The following CCBE1 variants were observed in gnomAD, a reference collection of about 807,000 sequenced individuals.
CCBE1 encodes the protein collagen and calcium-binding EGF domain-containing protein 1.
CCBE1 carries 37 observed loss-of-function variants against 50.0 expected under a neutral mutation model. The observed-to-expected ratio is 0.74, with a 90% CI of 0.57 to 0.97. The LOEUF is 0.97. CCBE1 is among the 50% of genes least tolerant of loss of function. The pLI is 0.00. For synonymous variants in CCBE1, 234 were observed against 203.7 expected (o/e 1.15, Z -1.27); for missense variants, 538 against 523.8 (o/e 1.03, Z -0.26).
Position 59,657,283 on chromosome 18 carries a change from GA to G in CCBE1, c.212+39345del, listed in dbSNP as rs368381677. Among the ~76,000 whole-genome samples the G allele has an allele frequency of 9.5e-4, 145 of 152,336 alleles. 2 individuals carry two copies. The South Asian group carries it at 0.02, about 21-fold the overall frequency. On this transcript the variant is annotated intron_variant, in intron 2 of 10. Coordinates refer to ENST00000439986, the MANE Select transcript of CCBE1 (RefSeq NM_133459.4). ...AGCTTCAAGGCATGCCCAGGACGGA[GA>G]GGTGGTTCCACAGTGTGAAAGGCTG...
chr18:59,437,974 C>A (rs1910234600), intron 10 of CCBE1, 137 bp downstream of exon 10: 1 of 717,900 alleles, frequency 1.4e-6, no homozygotes. Context: ...CTCTTCCTAA[C>A]CACAGAGTTC....
intron 10 of CCBE1, 92 bp from the exon 11 acceptor site, chr18:59,436,233 C>G (rs1413431334): frequency 9.1e-7 from 1 of 1,101,360 alleles, no homozygotes; most frequent in African/African-American, 1.5e-5. Context: ...CTGGCAACTA[C>G]TTTCTCAATA....
At chr18:59,445,138 C>G (rs186518531) in intron 7 of CCBE1, among the ~76,000 whole-genome samples, 4 of 152,250 alleles carry the variant, frequency 2.6e-5, no homozygotes, top group Admixed American at 1.3e-4. Context: ...AAGCTTTCCT[C>G]TATGTTTTCT....
chr18:59,499,767 A>G (rs1489751473), intron 2 of CCBE1, among the ~76,000 whole-genome samples: 1 of 152,182 alleles, frequency 6.6e-6, no homozygotes, highest in Non-Finnish European at 1.5e-5. Context: ...CTCTAGGCAC[A>G]ACAATGGCCT....
chr18:59,673,218 A>G (rs554277931), intron 2 of CCBE1, among the ~76,000 whole-genome samples: 1 of 152,292 alleles, frequency 6.6e-6, no homozygotes, highest in Admixed American at 6.5e-5. Flanking sequence ...TGGGAGGTCA[A>G]GGAGGGTGAA....
At chr18:59,472,280 T>A (rs1267826575) in intron 3 of CCBE1, among the ~76,000 whole-genome samples, 1 of 152,218 alleles carries the variant, frequency 6.6e-6, no homozygotes, top group Non-Finnish European at 1.5e-5. Context: ...AGGCGGTAGC[T>A]GCTTCCTGCA....
chr18:59,494,126 A>C (rs1382583611), intron 2 of CCBE1, among the ~76,000 whole-genome samples: 2 of 152,202 alleles, frequency 1.3e-5, no homozygotes, highest in Middle Eastern at 3.2e-3. Flanking sequence ...AGAGCAATAC[A>C]AGCTTCGTAA....
chr18:59,619,978 G>A (rs1260465777), intron 2 of CCBE1, among the ~76,000 whole-genome samples: 1 of 152,196 alleles, frequency 6.6e-6, no homozygotes, highest in Non-Finnish European at 1.5e-5. Flanking sequence ...GGACAAGAGA[G>A]GGCGGTATTC....
intron 2 of CCBE1, among the ~76,000 whole-genome samples, chr18:59,582,619 C>T (rs974112606): frequency 6.6e-6 from 1 of 152,112 alleles, no homozygotes; most frequent in Admixed American, 6.6e-5. Flanking sequence ...CCTTGCTGAG[C>T]CTGACAGCAG....
At chr18:59,682,106 G>A (rs1446398494) in intron 2 of CCBE1, among the ~76,000 whole-genome samples, 1 of 152,224 alleles carries the variant, frequency 6.6e-6, no homozygotes. Flanking sequence ...GCTCATGCCT[G>A]TAATCCCAGC....
chr18:59,490,387 CTT>C (rs11379621), intron 2 of CCBE1, among the ~76,000 whole-genome samples: 9 of 141,762 alleles, frequency 6.3e-5, no homozygotes, highest in Non-Finnish European at 7.7e-5. Flanking sequence ...GATATTCCCC[CTT>C]TTTTTTTTTT....
intron 2 of CCBE1, among the ~76,000 whole-genome samples, chr18:59,569,985 A>G (rs3097388): frequency 1.3e-5 from 2 of 152,126 alleles, no homozygotes; most frequent in African/African-American, 4.8e-5. Flanking sequence ...AGATTCTACA[A>G]CTTCTTTCTC....
intron 2 of CCBE1, among the ~76,000 whole-genome samples, chr18:59,576,659 T>G (rs1217882977): frequency 6.6e-6 from 1 of 152,190 alleles, no homozygotes; most frequent in East Asian, 1.9e-4. Context: ...GAGTGAGGCT[T>G]GCATGTGGTT....
At chr18:59,593,374 C>G (rs974921275) in intron 2 of CCBE1, among the ~76,000 whole-genome samples, 1 of 152,152 alleles carries the variant, frequency 6.6e-6, no homozygotes, top group Admixed American at 6.5e-5. Flanking sequence ...AGAGTGCATT[C>G]TAGTTTTTAT....
intron 2 of CCBE1, among the ~76,000 whole-genome samples, chr18:59,506,288 TG>T (rs1296930729): frequency 6.6e-6 from 1 of 152,200 alleles, no homozygotes; most frequent in Non-Finnish European, 1.5e-5. Flanking sequence ...GACAGAGGCA[TG>T]GACCAGTTTC....
intron 7 of CCBE1, 133 bp downstream of exon 7, chr18:59,447,850 G>T: frequency 2.2e-6 from 3 of 1,338,296 alleles, no homozygotes; most frequent in Non-Finnish European, 3.1e-6. Context: ...TGGGTGTGTG[G>T]CAGTCCCATG....
At chr18:59,662,993 T>G (rs2144692171) in intron 2 of CCBE1, among the ~76,000 whole-genome samples, 1 of 151,822 alleles carries the variant, frequency 6.6e-6, no homozygotes, top group African/African-American at 2.4e-5. Flanking sequence ...ACCTAGAGAA[T>G]GACTCCAAGT....
intron 2 of CCBE1, among the ~76,000 whole-genome samples, chr18:59,673,670 G>T (rs2054463317): frequency 6.6e-6 from 1 of 152,080 alleles, no homozygotes; most frequent in Non-Finnish European, 1.5e-5. Context: ...GAATTTTATT[G>T]AAGGCCTTTT....
chr18:59,570,221 A>C (rs2052889730), intron 2 of CCBE1, among the ~76,000 whole-genome samples: 1 of 152,182 alleles, frequency 6.6e-6, no homozygotes, highest in African/African-American at 2.4e-5. Context: ...TTAAGTAGGA[A>C]GCTGCACACC....
Sources: allele counts gnomAD v4.1 joint callset (sites outside exome capture counted in the v4.1 genomes callset), GRCh38; gene constraint gnomAD v4.1.1; transcripts MANE v1.5; gene names NCBI Gene and HGNC (gene_info 2026-07-23, HGNC 2026-07-21).